C3orf49: variants seen among roughly 807,000 people sequenced by gnomAD.
C3orf49 encodes the protein putative uncharacterized protein C3orf49.
A neutral mutation model predicts 13.3 loss-of-function variants in C3orf49; 27 were observed. The observed-to-expected ratio is 2.02, with a 90% CI of 1.49 to 2.79. The LOEUF (loss-of-function observed/expected upper bound fraction) is 2.79. C3orf49 is among the 30% of genes most tolerant of loss of function. The probability of loss-of-function intolerance (pLI) is 0.00; values close to 1 mark genes in which losing one functional copy is unlikely to be tolerated. For synonymous variants in C3orf49, 87 were observed against 47.6 expected (o/e 1.83, Z -3.40); for missense variants, 242 against 134.2 (o/e 1.80, Z -3.97).
the C3orf49 span, among the ~76,000 whole-genome samples, chr3:63,795,125 C>T: frequency 6.6e-6 from 1 of 152,192 alleles, no homozygotes; most frequent in African/African-American, 2.4e-5. Context: ...TAACTTCACC[C>T]CAGCCTCTGA....
rs556473027 is a variant in C3orf49 at position 63,822,015 on chromosome 3, G to A, written c.126-1235G>A. Among the ~76,000 whole-genome samples, 7 of 151,310 alleles carry A rather than the reference G, an allele frequency of 4.6e-5. No homozygotes were observed. In the South Asian group the frequency reaches 6.3e-4, roughly 14 times the overall value. On this transcript the variant is annotated intron_variant, in intron 1 of 6. Coordinates refer to ENST00000295896, the MANE Select transcript of C3orf49 (RefSeq NM_001355236.2). ...TTTTGAGACAGAGTCTCGCTCTGTC[G>A]CCCAGGCTGGATTGCAGTGGCGCGA...
At chr3:63,830,393 C>A (rs1404803355) in intron 3 of C3orf49, among the ~76,000 whole-genome samples, 6 of 152,174 alleles carry the variant, frequency 3.9e-5, no homozygotes, top group Admixed American at 1.3e-4. Context: ...AGTGGTTCAG[C>A]AGACTCCATT....
chr3:63,807,790 G>A, the C3orf49 span, among the ~76,000 whole-genome samples: 4 of 144,012 alleles, frequency 2.8e-5, no homozygotes, highest in African/African-American at 7.7e-5. Context: ...CCGGGAGGCA[G>A]AGGTTGCAGT....
intron 5 of C3orf49, among the ~76,000 whole-genome samples, chr3:63,834,528 C>T (rs919503669): frequency 5.3e-5 from 8 of 151,992 alleles, no homozygotes; most frequent in African/African-American, 1.9e-4. Flanking sequence ...GGTGTGGTGG[C>T]ATGCACCTGT....
At chr3:63,842,120 C>T (rs1015234729) in intron 5 of C3orf49, among the ~76,000 whole-genome samples, 1 of 151,928 alleles carries the variant, frequency 6.6e-6, no homozygotes, top group Admixed American at 6.6e-5. Context: ...ATGTCCCCTC[C>T]AAAACTCATG....
At chr3:63,837,846 A>G in intron 5 of C3orf49, 2 of 658,230 alleles carry the variant, frequency 3.0e-6, no homozygotes, top group Middle Eastern at 2.7e-4. Flanking sequence ...AGTTTTAAGG[A>G]ATTAAAATTT....
intron 1 of C3orf49, among the ~76,000 whole-genome samples, chr3:63,820,014 A>G (rs1701374167): frequency 6.6e-6 from 1 of 152,212 alleles, no homozygotes; most frequent in Non-Finnish European, 1.5e-5. Flanking sequence ...ATATGTACTA[A>G]TCACATTTCA....
chr3:63,786,421 G>C, the C3orf49 span, among the ~76,000 whole-genome samples: 3 of 151,994 alleles, frequency 2.0e-5, no homozygotes, highest in Non-Finnish European at 2.9e-5. Flanking sequence ...TTCCCCCAAT[G>C]CTAAAATTAA....
At chr3:63,834,985 C>T (rs1042810556) in intron 5 of C3orf49, among the ~76,000 whole-genome samples, 1 of 152,102 alleles carries the variant, frequency 6.6e-6, no homozygotes, top group Non-Finnish European at 1.5e-5. Context: ...TAAGACTTTT[C>T]TACATGTATT....
At chr3:63,845,666 C>A (rs966634491) in intron 6 of C3orf49, among the ~76,000 whole-genome samples, 2 of 151,984 alleles carry the variant, frequency 1.3e-5, no homozygotes, top group African/African-American at 4.8e-5. Context: ...CTGGGTCAGA[C>A]AAAAAAGAAA....
the C3orf49 span, among the ~76,000 whole-genome samples, chr3:63,786,261 T>C: frequency 2.0e-5 from 3 of 152,268 alleles, no homozygotes; most frequent in East Asian, 5.8e-4. Context: ...ATGATGATGA[T>C]GATGAAGTTA....
the C3orf49 span, among the ~76,000 whole-genome samples, chr3:63,794,054 C>G: frequency 6.6e-6 from 1 of 152,040 alleles, no homozygotes. Flanking sequence ...ACTTAGGAAG[C>G]TGAGATGGGA....
the C3orf49 span, among the ~76,000 whole-genome samples, chr3:63,812,750 A>C: frequency 6.6e-6 from 1 of 152,214 alleles, no homozygotes; most frequent in South Asian, 2.1e-4. Context: ...TATGCATTCA[A>C]AATTTTTGTG....
intron 2 of C3orf49, chr3:63,827,377 G>A: frequency 2.7e-6 from 1 of 373,878 alleles, no homozygotes; most frequent in Non-Finnish European, 4.8e-6. Context: ...GTCAAAGACT[G>A]GGTTGGTGTC....
chr3:63,836,399 G>T (rs1431570926), intron 5 of C3orf49: 5 of 1,587,618 alleles, frequency 3.1e-6, no homozygotes, highest in East Asian at 2.2e-5. Context: ...AGGATTTTTT[G>T]AATGTGAATT....
At chr3:63,844,370 CA>C (rs1289719191) in intron 5 of C3orf49, among the ~76,000 whole-genome samples, 2 of 152,168 alleles carry the variant, frequency 1.3e-5, no homozygotes, top group African/African-American at 4.8e-5. Flanking sequence ...GCTCTCACCA[CA>C]AAAATGATAA....
chr3:63,810,145 CAA>C, the C3orf49 span, among the ~76,000 whole-genome samples: 2 of 139,268 alleles, frequency 1.4e-5, no homozygotes, highest in African/African-American at 5.3e-5. Flanking sequence ...GACACCATCT[CAA>C]AAAAAAAAAA....
At chr3:63,788,133 A>T in the C3orf49 span, among the ~76,000 whole-genome samples, 1 of 152,176 alleles carries the variant, frequency 6.6e-6, no homozygotes, top group Non-Finnish European at 1.5e-5. Context: ...AATAAAAATA[A>T]CAACAGTGAT....
intron 5 of C3orf49, among the ~76,000 whole-genome samples, chr3:63,837,334 T>C (rs370213183): frequency 9.6e-6 from 1 of 103,786 alleles, no homozygotes; most frequent in African/African-American, 2.6e-5. Context: ...TGATTACACA[T>C]TATATTTTTT....
Sources: gnomAD v4.1 joint callset for allele counts (sites outside exome capture counted in the v4.1 genomes callset) on GRCh38, gnomAD v4.1.1 for gene constraint, MANE v1.5 for transcripts, NCBI Gene and HGNC (gene_info 2026-07-23, HGNC 2026-07-21) for gene names.